NTRK3: variants seen among roughly 807,000 people sequenced by gnomAD.
NTRK3 encodes NT-3 growth factor receptor.
Under a neutral mutation model 91.7 loss-of-function variants are expected in NTRK3, and 24 were observed. The ratio of observed to expected loss-of-function variants is 0.26; its 90% CI spans 0.19 to 0.37. The LOEUF is 0.37. Among genes scored for constraint, NTRK3 ranks in the 10% least tolerant of loss-of-function variants. NTRK3 has a pLI of 1.00. For synonymous variants in NTRK3, 483 were observed against 404.0 expected (o/e 1.20, Z -2.34); for missense variants, 880 against 1,068.9 (o/e 0.82, Z 2.46).
At chr15:87,983,394 C>A (rs779231535) in intron 14 of NTRK3, among the ~76,000 whole-genome samples, 1 of 152,120 alleles carries the variant, frequency 6.6e-6, no homozygotes, top group Non-Finnish European at 1.5e-5. Context: ...GTTTTTCAAC[C>A]CCATTGCAGG....
chr15:87,891,395 T>A (rs544449435), intron 17 of NTRK3, among the ~76,000 whole-genome samples: 42 of 152,292 alleles, frequency 2.8e-4, no homozygotes, highest in Non-Finnish European at 5.1e-4. Context: ...GATTTAATGT[T>A]GCTTTATAAT....
chr15:88,232,450 T>C (rs575270677), intron 3 of NTRK3, among the ~76,000 whole-genome samples: 58 of 152,210 alleles, frequency 3.8e-4, no homozygotes, highest in Non-Finnish European at 7.6e-4. Flanking sequence ...GTGGATTGAA[T>C]TGGATTGCAC....
intron 14 of NTRK3, among the ~76,000 whole-genome samples, chr15:87,952,113 C>T (rs2071166605): frequency 7.2e-6 from 1 of 139,430 alleles, no homozygotes. Context: ...GGCAACAGAG[C>T]AAGATTCCAT....
In NTRK3 at chr15:88,150,926, T is replaced by C. The variant is rs2043314472; in HGVS notation, c.396-3523A>G. Among the ~76,000 whole-genome samples, 3 of 152,274 alleles carry C rather than the reference T, an allele frequency of 2.0e-5. No individual in the cohort carries two copies. In the South Asian group the frequency reaches 6.2e-4, roughly 32 times the overall value. On this transcript the variant is annotated intron_variant, in intron 5 of 18. Transcript: ENST00000394480. ...CTCGGAACTCATTGCCCCTGATTTTTCCTTCTAGCTGGGGCCTCACCTATA... is the reference window on the plus strand; with the variant it reads ...CTCGGAACTCATTGCCCCTGATTTTCCCTTCTAGCTGGGGCCTCACCTATA...
intron 3 of NTRK3, among the ~76,000 whole-genome samples, chr15:88,194,868 C>G (rs1050932023): frequency 3.3e-5 from 5 of 152,162 alleles, no homozygotes; most frequent in African/African-American, 1.2e-4. Flanking sequence ...CCTCACTGGT[C>G]TCCTCTCAGG....
At chr15:87,924,720 G>C (rs1034845596) in intron 17 of NTRK3, among the ~76,000 whole-genome samples, 1 of 152,062 alleles carries the variant, frequency 6.6e-6, no homozygotes, top group Admixed American at 6.6e-5. Flanking sequence ...GGTTTCTCTT[G>C]GTCTGGAATG....
chr15:88,014,654 T>G (rs2141816988), intron 14 of NTRK3, among the ~76,000 whole-genome samples: 1 of 152,264 alleles, frequency 6.6e-6, no homozygotes, highest in Non-Finnish European at 1.5e-5. Flanking sequence ...TAGGACTTGA[T>G]CTTGGGCTGC....
intron 14 of NTRK3, among the ~76,000 whole-genome samples, chr15:88,013,887 C>T (rs527534316): frequency 2.2e-4 from 34 of 152,168 alleles, no homozygotes; most frequent in South Asian, 1.7e-3. Context: ...CTGCAGTGAG[C>T]CAATATCACA....
intron 14 of NTRK3, among the ~76,000 whole-genome samples, chr15:87,993,781 T>C (rs1425687245): frequency 6.6e-6 from 1 of 152,132 alleles, no homozygotes; most frequent in Admixed American, 6.5e-5. Context: ...GAGGGCCTCC[T>C]ATGCTCATGG....
exon 19 of NTRK3, chr15:87,876,313 T>A (rs1446355185): frequency 4.3e-6 from 1 of 230,672 alleles, no homozygotes; most frequent in African/African-American, 2.2e-5. Flanking sequence ...AATTAGAACA[T>A]TGTCCTGAAG....
intron 14 of NTRK3, among the ~76,000 whole-genome samples, chr15:87,950,079 A>G (rs2070955327): frequency 1.3e-5 from 2 of 152,120 alleles, no homozygotes; most frequent in African/African-American, 4.8e-5. Flanking sequence ...CATTCCTGGC[A>G]TCTGGCTCTG....
chr15:87,864,311 G>T lies in NTRK3; in HGVS notation c.*12624C>A, dbSNP rs1011994956. ...TAGAATTGGAGGAGCCTTTACTTTG[G>T]GATATGAATACAATCAATCTTTTCT... On this transcript the variant is annotated 3_prime_UTR_variant, in exon 19 of 19. Coordinates refer to ENST00000394480, the Ensembl canonical transcript of NTRK3. 80 of 231,718 alleles carry T rather than the reference G, an allele frequency of 3.5e-4. 1 individual carries two copies. The East Asian group carries it at 4.9e-3, about 14-fold the overall frequency. The allele number at this position is 231,718 out of a possible 1,614,324, so 14.4% of individuals were successfully genotyped here. A position where few individuals can be genotyped will look rare whatever the true frequency, so the allele number is the denominator to read the frequency against.
At chr15:87,906,863 ATACTT>A (rs1490132523) in intron 17 of NTRK3, among the ~76,000 whole-genome samples, 11 of 151,922 alleles carry the variant, frequency 7.2e-5, no homozygotes, top group Non-Finnish European at 1.2e-4. Flanking sequence ...AATTTGCTAT[ATACTT>A]TACTTTATCT....
intron 13 of NTRK3, among the ~76,000 whole-genome samples, chr15:88,044,571 GCCCCCCCACCCCACC>G (rs2079996290): frequency 2.5e-5 from 1 of 40,266 alleles, no homozygotes; most frequent in African/African-American, 1.0e-4. Context: ...CACCACACCC[GCCCCCCCACCCCACC>G]ACCACCTCAA....
intron 13 of NTRK3, among the ~76,000 whole-genome samples, chr15:88,094,262 C>T (rs1265959550): frequency 1.3e-5 from 2 of 151,426 alleles, no homozygotes; most frequent in Non-Finnish European, 2.9e-5. Context: ...GTCAGGAGAT[C>T]GAGACCATCC....
At chr15:88,213,495 C>CCAGA (rs57605751) in intron 3 of NTRK3, among the ~76,000 whole-genome samples, 36 of 151,860 alleles carry the variant, frequency 2.4e-4, no homozygotes, top group Non-Finnish European at 1.6e-4. Context: ...AGACTAAGGC[C>CCAGA]CAGACAGACA....
intron 17 of NTRK3, among the ~76,000 whole-genome samples, chr15:87,892,812 T>A (rs1273575422): frequency 6.6e-6 from 1 of 152,178 alleles, no homozygotes; most frequent in Non-Finnish European, 1.5e-5. Flanking sequence ...TATATAAAGA[T>A]AAAATTCAGT....
intron 14 of NTRK3, among the ~76,000 whole-genome samples, chr15:88,030,415 A>G (rs551853395): frequency 6.6e-6 from 1 of 152,228 alleles, no homozygotes; most frequent in African/African-American, 2.4e-5. Flanking sequence ...CCATGGGGAC[A>G]CTTATTCTGA....
intron 3 of NTRK3, among the ~76,000 whole-genome samples, chr15:88,194,893 T>G (rs1022493179): frequency 6.6e-6 from 1 of 152,194 alleles, no homozygotes; most frequent in Non-Finnish European, 1.5e-5. Context: ...TCGCATTTAT[T>G]TTTCCCTCGG....
Sources: allele counts gnomAD v4.1 joint callset (sites outside exome capture counted in the v4.1 genomes callset), GRCh38; gene constraint gnomAD v4.1.1; transcripts MANE v1.5; gene names NCBI Gene and HGNC (gene_info 2026-07-23, HGNC 2026-07-21).